The following WDPCP variants were observed in gnomAD, a reference collection of about 807,000 sequenced individuals.
WDPCP encodes WD repeat-containing and planar cell polarity effector protein fritz homolog.
WDPCP carries 71 observed loss-of-function variants against 93.1 expected under a neutral mutation model. The ratio of observed to expected loss-of-function variants is 0.76; its 90% CI spans 0.63 to 0.93. The LOEUF (loss-of-function observed/expected upper bound fraction) is 0.93, where lower values mean the gene tolerates loss of function less well. WDPCP is among the 40% of genes least tolerant of loss of function. The pLI is 0.00. For synonymous variants in WDPCP, 315 were observed against 315.0 expected (o/e 1.00, Z 0.00); for missense variants, 844 against 887.4 (o/e 0.95, Z 0.62).
intron 1 of WDPCP, among the ~76,000 whole-genome samples, chr2:63,815,900 T>TG (rs1051871064): frequency 1.3e-5 from 2 of 151,882 alleles, no homozygotes; most frequent in Admixed American, 6.6e-5. Flanking sequence ...TTTTTTGCTT[T>TG]TTTTTTTCAC....
upstream of WDPCP, among the ~76,000 whole-genome samples, chr2:63,832,722 A>T (rs1029221260): frequency 2.0e-5 from 3 of 152,204 alleles, no homozygotes; most frequent in African/African-American, 7.2e-5. Context: ...TCATTGAACA[A>T]ATTTCTTTTG....
At chr2:63,403,597 T>C (rs1287833751) in intron 10 of WDPCP, 1 of 154,806 alleles carries the variant, frequency 6.5e-6, no homozygotes, top group Non-Finnish European at 1.4e-5. Context: ...TCTGCTTTCT[T>C]TTCTTTTAAA....
At chr2:63,162,803 A>G (rs1178730218) in intron 15 of WDPCP, among the ~76,000 whole-genome samples, 1 of 152,222 alleles carries the variant, frequency 6.6e-6, no homozygotes, top group Non-Finnish European at 1.5e-5. Context: ...TAAATGTCAC[A>G]TAAAGTCCAC....
At chr2:63,455,786 C>A (rs918875570) in intron 6 of WDPCP, among the ~76,000 whole-genome samples, 4 of 152,066 alleles carry the variant, frequency 2.6e-5, no homozygotes. Context: ...AGACAGAAAA[C>A]CAACAAAGAA....
chr2:63,508,167 G>T (rs1391147258), intron 1 of WDPCP, among the ~76,000 whole-genome samples: 2 of 152,122 alleles, frequency 1.3e-5, no homozygotes, highest in East Asian at 3.9e-4. Context: ...GGGAAAAAAC[G>T]TTAAGGGAAG....
At chr2:63,430,453 A>G (rs1696656371) in intron 9 of WDPCP, among the ~76,000 whole-genome samples, 2 of 152,276 alleles carry the variant, frequency 1.3e-5, no homozygotes, top group South Asian at 4.1e-4. Flanking sequence ...TGATCTACAT[A>G]GAGAACATTA....
chr2:63,304,334 G>T (rs1685556346), intron 13 of WDPCP, among the ~76,000 whole-genome samples: 1 of 152,200 alleles, frequency 6.6e-6, no homozygotes, highest in African/African-American at 2.4e-5. Context: ...AGCTCCCAGT[G>T]AGATCAACAC....
At chr2:63,607,897 T>C (rs1709570579) in intron 3 of WDPCP, among the ~76,000 whole-genome samples, 1 of 151,416 alleles carries the variant, frequency 6.6e-6, no homozygotes, top group African/African-American at 2.4e-5. Context: ...AATTTTGAGA[T>C]AGATATATAT....
At chr2:63,529,880 T>C (rs909003129) in intron 1 of WDPCP, among the ~76,000 whole-genome samples, 5 of 152,212 alleles carry the variant, frequency 3.3e-5, no homozygotes, top group South Asian at 2.1e-4. Flanking sequence ...TTTCAGACCC[T>C]GTTATTGGTC....
intron 13 of WDPCP, among the ~76,000 whole-genome samples, chr2:63,288,028 A>C (rs535452683): frequency 6.6e-6 from 1 of 152,378 alleles, no homozygotes; most frequent in Admixed American, 6.5e-5. Context: ...GCAAGTGCCT[A>C]GGAGTGGCAG....
At chr2:63,743,821 T>A (rs759946351) in intron 2 of WDPCP, among the ~76,000 whole-genome samples, 1 of 152,092 alleles carries the variant, frequency 6.6e-6, no homozygotes, top group Non-Finnish European at 1.5e-5. Flanking sequence ...CATGGAAAAT[T>A]ATGTTTAAAA....
rs573282382 is a variant in WDPCP at position 63,604,950 on chromosome 2, G to C, written n.488+45709C>G. On this transcript the variant is annotated intron_variant and non_coding_transcript_variant, in intron 3 of 4. Transcript: ENST00000467687. ...GACTCTTAGGACAGAAAACCTTAAA[G>C]AGGGCAGGTCTTTCACAGTTGCTCT... 3.7e-5 allele frequency: 53 copies of C among 1,446,416 alleles called. No individual in the cohort carries two copies. The South Asian group carries it at 6.3e-4, about 17-fold the overall frequency. The allele number at this position is 1,446,416 out of a possible 1,614,324, so 89.6% of individuals were successfully genotyped here.
At chr2:63,383,447 G>A (rs939185223) in intron 10 of WDPCP, among the ~76,000 whole-genome samples, 1 of 152,142 alleles carries the variant, frequency 6.6e-6, no homozygotes, top group Non-Finnish European at 1.5e-5. Context: ...AGGGGCAGTG[G>A]TTCATGCCAG....
intron 8 of WDPCP, among the ~76,000 whole-genome samples, chr2:63,434,634 G>A (rs968435988): frequency 1.3e-5 from 2 of 152,072 alleles, no homozygotes; most frequent in African/African-American, 4.8e-5. Context: ...AGGAATTAAT[G>A]GAAGGTTGAT....
At chr2:63,582,193 C>G (rs184609238) in intron 1 of WDPCP, among the ~76,000 whole-genome samples, 4 of 152,000 alleles carry the variant, frequency 2.6e-5, no homozygotes, top group African/African-American at 9.6e-5. Context: ...ACATGTTAAA[C>G]AAATGTAGTA....
chr2:63,778,034 A>G lies in WDPCP; in HGVS notation n.308+35588T>C, dbSNP rs145353978. Among the ~76,000 whole-genome samples, 350 of 152,242 alleles carry G rather than the reference A, an allele frequency of 2.3e-3. 2 individuals carry two copies. Among genetic ancestry groups the G allele is most frequent in the Middle Eastern group, 0.02 (6 of 294 alleles). The stretch of plus-strand genomic sequence containing the variant: ...ATAAAAACTGAACTCCTAGTATGCA[A>G]TGCCTTTTACAATATTTCTACCCTA... On this transcript the variant is annotated intron_variant and non_coding_transcript_variant, in intron 2 of 4. Transcript: ENST00000467687.
chr2:63,594,578 A>G, intron 3 of WDPCP: 1 of 1,610,204 alleles, frequency 6.2e-7, no homozygotes, highest in Non-Finnish European at 8.5e-7. Flanking sequence ...TGTCTTTGGT[A>G]AAGATCAGGT....
chr2:63,433,005 C>A (rs1422668628), intron 9 of WDPCP, among the ~76,000 whole-genome samples: 2 of 152,020 alleles, frequency 1.3e-5, no homozygotes, highest in Non-Finnish European at 2.9e-5. Context: ...ATTTTACCTA[C>A]ATAAGAAAGT....
chr2:63,762,006 A>G (rs1052992018), intron 2 of WDPCP, among the ~76,000 whole-genome samples: 1 of 151,860 alleles, frequency 6.6e-6, no homozygotes, highest in Non-Finnish European at 1.5e-5. Flanking sequence ...ATAAATAGAG[A>G]TATTAGTAAA....
Sources: allele counts gnomAD v4.1 joint callset (sites outside exome capture counted in the v4.1 genomes callset), GRCh38; gene constraint gnomAD v4.1.1; transcripts MANE v1.5; gene names NCBI Gene and HGNC (gene_info 2026-07-23, HGNC 2026-07-21).